The following AXDND1 variants were observed in gnomAD, a reference collection of about 807,000 sequenced individuals.
AXDND1 encodes the protein axonemal dynein light chain domain-containing protein 1.
Under a neutral mutation model 137.5 loss-of-function variants are expected in AXDND1, and 110 were observed. The ratio of observed to expected loss-of-function variants is 0.80; its 90% CI spans 0.69 to 0.94. The LOEUF is 0.94. Among genes scored for constraint, AXDND1 ranks in the 40% least tolerant of loss-of-function variants. The probability of loss-of-function intolerance (pLI) is 0.00; values close to 1 mark genes in which losing one functional copy is unlikely to be tolerated. For synonymous variants in AXDND1, 414 were observed against 399.7 expected, an observed-to-expected ratio of 1.04 and a Z score of -0.43; for missense variants, 1,191 against 1,169.8, an observed-to-expected ratio of 1.02 and a Z score of -0.26.
At chr1:179,373,618 T>C (rs10798673) in intron 4 of AXDND1, among the ~76,000 whole-genome samples, 115,082 of 151,936 alleles carry the variant, frequency 0.76, 43,845 homozygotes, top group Admixed American at 0.81. Context: ...GGTACTGGTA[T>C]CAAAACAGAT....
At chr1:179,372,378 C>A (rs988588300) in intron 4 of AXDND1, among the ~76,000 whole-genome samples, 1 of 152,028 alleles carries the variant, frequency 6.6e-6, no homozygotes, top group African/African-American at 2.4e-5. Flanking sequence ...CGAATAACTC[C>A]CAGAACAGGG....
chr1:179,515,930 C>G (rs1163387993), intron 21 of AXDND1, among the ~76,000 whole-genome samples: 2 of 152,122 alleles, frequency 1.3e-5, no homozygotes, highest in African/African-American at 2.4e-5. Flanking sequence ...TTAAGATACA[C>G]AGATACAAAC....
At chr1:179,456,700 C>T (rs1228070065) in intron 16 of AXDND1, 1 of 790,626 alleles carries the variant, frequency 1.3e-6, no homozygotes, top group Non-Finnish European at 2.3e-6. Context: ...CCAAAGTTGT[C>T]ATTCCCACTG....
intron 25 of AXDND1, among the ~76,000 whole-genome samples, chr1:179,542,520 A>G (rs1572223239): frequency 6.6e-6 from 1 of 152,212 alleles, no homozygotes; most frequent in East Asian, 1.9e-4. Context: ...GTTTGAATGC[A>G]TGTGAGAGAG....
intron 8 of AXDND1, 134 bp from the exon 9 acceptor site, chr1:179,385,104 A>G: frequency 2.5e-6 from 2 of 791,550 alleles, no homozygotes; most frequent in Non-Finnish European, 4.0e-6. Context: ...TTGTATATAT[A>G]TAAATGAAAA....
chr1:179,420,440 G>A (rs139095550), intron 12 of AXDND1, among the ~76,000 whole-genome samples: 2 of 151,998 alleles, frequency 1.3e-5, no homozygotes, highest in East Asian at 3.9e-4. Context: ...TTTGATATTA[G>A]GGTAATGCCT....
chr1:179,504,783 G>A (rs6679542), intron 20 of AXDND1, among the ~76,000 whole-genome samples: 48,309 of 151,968 alleles, frequency 0.32, 8,299 homozygotes, highest in Middle Eastern at 0.43. Flanking sequence ...CTCACTAACC[G>A]TTCTCTAGTG....
chr1:179,524,997 T>G (rs1318942453), intron 21 of AXDND1, among the ~76,000 whole-genome samples: 2 of 152,192 alleles, frequency 1.3e-5, no homozygotes, highest in East Asian at 3.8e-4. Context: ...TGGAACATCC[T>G]CTGCCCAGAG....
chr1:179,516,364 A>T (rs143321135), intron 21 of AXDND1, among the ~76,000 whole-genome samples: 2 of 151,532 alleles, frequency 1.3e-5, no homozygotes, highest in African/African-American at 4.9e-5. Flanking sequence ...TTCTTGTATC[A>T]TTTTTTTGGA....
chr1:179,376,071 A>G (rs1246576248), intron 4 of AXDND1, among the ~76,000 whole-genome samples: 1 of 152,206 alleles, frequency 6.6e-6, no homozygotes, highest in African/African-American at 2.4e-5. Flanking sequence ...CAACTGTTAT[A>G]GTCATTCTAA....
At chr1:179,468,421 A>C (rs756829698) in intron 16 of AXDND1, 22 bp from the exon 17 acceptor site, 1 of 1,508,714 alleles carries the variant, frequency 6.6e-7, no homozygotes, top group South Asian at 1.2e-5. Flanking sequence ...TCTAAAAGTT[A>C]ATGCTTTTCT....
At position 179,395,171 on chromosome 1, in the gene AXDND1, C is replaced by G. The variant is rs775635290; in HGVS notation, c.1078C>G (p.Gln360Glu). ...AGAAAAAGCCCACAAGGATTTGGCA[C>G]AAGCTCTTTTAAATGCGGAAAAGAA... ...ETEKAHKDLA[Q>E]ALLNAEKNAK... Residue 360 changes from glutamine to glutamate, a missense_variant, in exon 11 of 26, where the codon CAA becomes GAA. Physicochemically the swap from Gln to Glu is conservative, Grantham distance 29 (BLOSUM62 2). Transcript: ENST00000367618. 6.2e-7 allele frequency: 1 copy of G among 1,613,430 alleles called. No individual in the cohort carries two copies. The highest frequency in any genetic ancestry group is 8.5e-7 in the Non-Finnish European group (1 of 1,179,716).
At chr1:179,368,080 A>G (rs1667646994) in intron 2 of AXDND1, among the ~76,000 whole-genome samples, 1 of 119,792 alleles carries the variant, frequency 8.3e-6, no homozygotes, top group South Asian at 2.2e-4. Context: ...CCTTATAGAA[A>G]TAAACATAAA....
intron 12 of AXDND1, among the ~76,000 whole-genome samples, chr1:179,416,345 C>T (rs534810906): frequency 8.5e-5 from 13 of 152,224 alleles, no homozygotes; most frequent in African/African-American, 2.4e-4. Flanking sequence ...TTGGTGGGCA[C>T]TTAGGTTGAT....
chr1:179,442,833 A>G (rs978686797), intron 15 of AXDND1, among the ~76,000 whole-genome samples: 5 of 152,088 alleles, frequency 3.3e-5, no homozygotes, highest in Non-Finnish European at 7.4e-5. Context: ...GCACGAAACT[A>G]GGGGGACTGA....
At chr1:179,468,692 G>A (rs7514278) in intron 17 of AXDND1, 51 bp downstream of exon 17, 1,298,904 of 1,466,674 alleles carry the variant, frequency 0.89, 575,827 homozygotes, top group East Asian at 0.92. Context: ...CTAAAGGTTT[G>A]TTGCAATACA....
At chr1:179,541,660 CATGATAATATGCATA>C (rs797007047) in intron 25 of AXDND1, among the ~76,000 whole-genome samples, 45,829 of 150,270 alleles carry the variant, frequency 0.3, 7,539 homozygotes, top group Middle Eastern at 0.43. Context: ...ATAATATATG[CATGATAATATGCATA>C]ATAATATTGC....
chr1:179,374,767 T>C, intron 4 of AXDND1, among the ~76,000 whole-genome samples: 1 of 144,784 alleles, frequency 6.9e-6, no homozygotes, highest in African/African-American at 2.6e-5. Flanking sequence ...TAGGTGGGAA[T>C]TGAACAATGA....
chr1:179,390,572 C>T (rs1419487897), intron 9 of AXDND1, among the ~76,000 whole-genome samples: 1 of 152,134 alleles, frequency 6.6e-6, no homozygotes, highest in Non-Finnish European at 1.5e-5. Context: ...TGTAAAAATA[C>T]AAATATGTAA....
Sources: gnomAD v4.1 joint callset for allele counts (sites outside exome capture counted in the v4.1 genomes callset) on GRCh38, gnomAD v4.1.1 for gene constraint, MANE v1.5 for transcripts, NCBI Gene and HGNC (gene_info 2026-07-23, HGNC 2026-07-21) for gene names.